Variants in ZFHX3 observed in about 807,000 individuals in gnomAD.
ZFHX3 encodes the protein zinc finger homeobox 3.
In ZFHX3, 42 loss-of-function variants were observed where a neutral mutation model predicts 279.1. The observed-to-expected ratio is 0.15, with a 90% CI of 0.12 to 0.19. ZFHX3 has a LOEUF of 0.19. Among genes scored for constraint, ZFHX3 ranks in the 10% least tolerant of loss-of-function variants. The pLI, the probability that ZFHX3 is intolerant of heterozygous loss-of-function variation, is 1.00. For missense variants in ZFHX3, 4,981 were observed against 4,754.0 expected, an observed-to-expected ratio of 1.05 and a Z score of -1.40; for synonymous variants, 2,293 against 1,957.8, an observed-to-expected ratio of 1.17 and a Z score of -4.52.
intron 2 of ZFHX3, among the ~76,000 whole-genome samples, chr16:73,650,769 T>G (rs529776880): frequency 6.6e-6 from 1 of 152,306 alleles, no homozygotes; most frequent in African/African-American, 2.4e-5. Context: ...GGTGCCTGGC[T>G]AAGCAGATTT....
chr16:73,847,978 C>G (rs1312127676), intron 1 of ZFHX3, among the ~76,000 whole-genome samples: 1 of 129,310 alleles, frequency 7.7e-6, no homozygotes, highest in Non-Finnish European at 1.5e-5. Flanking sequence ...CCAGACTGGT[C>G]TCAAACTCCT....
chr16:73,769,041 G>A (rs2053986758), intron 1 of ZFHX3, among the ~76,000 whole-genome samples: 3 of 152,190 alleles, frequency 2.0e-5, no homozygotes, highest in South Asian at 4.2e-4. Context: ...CTTAAAAAAT[G>A]ATTCATTGTT....
chr16:73,752,642 C>T (rs570525307), intron 1 of ZFHX3, among the ~76,000 whole-genome samples: 85 of 152,296 alleles, frequency 5.6e-4, no homozygotes, highest in African/African-American at 1.7e-3. Context: ...ACAAAACCGC[C>T]TGGCTGGCCA....
At chr16:72,803,104 G>A (rs1313893240) in intron 7 of ZFHX3, among the ~76,000 whole-genome samples, 1 of 152,176 alleles carries the variant, frequency 6.6e-6, no homozygotes, top group East Asian at 1.9e-4. Context: ...GGCTGAGGCG[G>A]GTGGATCATT....
At chr16:73,510,621 C>T (rs1414366119) in intron 2 of ZFHX3, among the ~76,000 whole-genome samples, 1 of 152,198 alleles carries the variant, frequency 6.6e-6, no homozygotes, top group African/African-American at 2.4e-5. Flanking sequence ...ATACACTGAA[C>T]AATTCCAAAG....
At position 73,838,787 on chromosome 16, in the gene ZFHX3, T is replaced by C. The variant is rs113374406; in HGVS notation, c.-1608+52864A>G. Among the ~76,000 whole-genome samples the C allele has an allele frequency of 9.1e-3, 1,359 of 149,110 alleles. 22 individuals are homozygous for C. Among genetic ancestry groups the C allele is most frequent in the African/African-American group, 0.032 (1,278 of 39,370 alleles). On this transcript the variant is annotated intron_variant, in intron 1 of 17. Transcript: ENST00000641206. ...CTGTGTGTGTGTGTGTGTGTGTGTG[T>C]GTGCGTGCGCGCACGCATGTATGGT...
chr16:73,224,548 T>G (rs2012531831), intron 5 of ZFHX3, among the ~76,000 whole-genome samples: 1 of 152,170 alleles, frequency 6.6e-6, no homozygotes, highest in African/African-American at 2.4e-5. Flanking sequence ...AAAGGCTGTT[T>G]CTGAGTAAGT....
At chr16:73,312,969 ATGGTT>A (rs1249777192) in intron 4 of ZFHX3, among the ~76,000 whole-genome samples, 2 of 152,218 alleles carry the variant, frequency 1.3e-5, no homozygotes, top group Admixed American at 6.5e-5. Context: ...GGTCAGTGAT[ATGGTT>A]TGGCTCTGTG....
At chr16:73,379,498 T>G (rs1567466141) in intron 3 of ZFHX3, among the ~76,000 whole-genome samples, 1 of 152,178 alleles carries the variant, frequency 6.6e-6, no homozygotes, top group African/African-American at 2.4e-5. Context: ...GCTACCTAAC[T>G]CTCTTCACCC....
intron 9 of ZFHX3, chr16:72,790,195 A>C (rs2035638300): frequency 6.6e-6 from 1 of 152,382 alleles, no homozygotes; most frequent in Non-Finnish European, 1.5e-5. Context: ...GAGACTAGCA[A>C]GATAGTAGGT....
At chr16:73,657,691 G>A (rs1182239568) in intron 2 of ZFHX3, among the ~76,000 whole-genome samples, 1 of 152,060 alleles carries the variant, frequency 6.6e-6, no homozygotes, top group Middle Eastern at 3.2e-3. Flanking sequence ...TAATGGAAGT[G>A]AAAGCATATG....
Position 72,964,800 on chromosome 16 carries a change from C to A in ZFHX3, c.-49-4606G>T, listed in dbSNP as rs201097062. Among the ~76,000 whole-genome samples the A allele has an allele frequency of 5.3e-5, 8 of 152,248 alleles. 1 individual carries two copies. The East Asian group carries it at 1.4e-3, about 26-fold the overall frequency. ...TCATACCCACACTAGGAGATAGATA[C>A]TATTTTTATCCCCATTTTAGAAATG... On this transcript the variant is annotated intron_variant, in intron 1 of 9. Coordinates refer to ENST00000268489, the MANE Select transcript of ZFHX3 (RefSeq NM_006885.4).
At position 72,796,345 on chromosome 16, in the gene ZFHX3, G is replaced by C; in HGVS notation, c.6337C>G (p.Gln2113Glu). 6.2e-7 allele frequency: 1 copy of C among 1,614,040 alleles called. No individual in the cohort carries two copies. Among genetic ancestry groups the C allele is most frequent in the Non-Finnish European group, 8.5e-7 (1 of 1,180,020 alleles). The change falls in exon 9 of 10, where the codon CAG becomes GAG. Residue 2113 changes from glutamine (Q) to glutamate (E), a missense_variant. Gln to Glu is a conservative substitution (Grantham distance 29, BLOSUM62 2). Around this residue, in one of 7 missense-constraint regions of ZFHX3, gnomAD observed 1,751 missense variants for 1,770.0 expected, o/e 0.99. Transcript: ENST00000268489. Reference sequence around the variant, plus strand: ...ACAGGTCCCAGCTGCGGGGGTAGCTGAGCCGGCAAGGTCTGCAGCGGCATC... The same window carrying C: ...ACAGGTCCCAGCTGCGGGGGTAGCTCAGCCGGCAAGGTCTGCAGCGGCATC... ...QTMPLQTLPAQLPPQLGPVEP... is the reference protein window; with the variant it reads ...QTMPLQTLPAELPPQLGPVEP...
chr16:73,686,156 C>T (rs189921819), intron 1 of ZFHX3, among the ~76,000 whole-genome samples: 107 of 152,168 alleles, frequency 7.0e-4, no homozygotes, highest in African/African-American at 2.4e-3. Context: ...AGTGCAGTGG[C>T]GTGATCTCGG....
At chr16:73,470,467 C>A (rs938667214) in intron 2 of ZFHX3, among the ~76,000 whole-genome samples, 1 of 152,170 alleles carries the variant, frequency 6.6e-6, no homozygotes, top group African/African-American at 2.4e-5. Flanking sequence ...TAGTGCTTAA[C>A]ACAGCTTTTA....
chr16:73,837,517 A>G (rs969656088), intron 1 of ZFHX3, among the ~76,000 whole-genome samples: 6 of 152,252 alleles, frequency 3.9e-5, no homozygotes, highest in Non-Finnish European at 8.8e-5. Flanking sequence ...AACTTTTCCC[A>G]AAGAGCTATG....
At chr16:73,689,754 C>A (rs8055965) in intron 1 of ZFHX3, among the ~76,000 whole-genome samples, 1 of 151,962 alleles carries the variant, frequency 6.6e-6, no homozygotes, top group Non-Finnish European at 1.5e-5. Flanking sequence ...ATGGAAAACA[C>A]GACTATCAGG....
intron 2 of ZFHX3, among the ~76,000 whole-genome samples, chr16:73,585,967 G>A (rs1055849831): frequency 1.3e-5 from 2 of 151,978 alleles, no homozygotes; most frequent in African/African-American, 2.4e-5. Context: ...AGGTAAGGAG[G>A]AAATAAAATG....
intron 8 of ZFHX3, among the ~76,000 whole-genome samples, chr16:73,083,013 A>G (rs8060882): frequency 0.11 from 14,110 of 126,870 alleles, 1,725 homozygotes; most frequent in African/African-American, 0.32. Context: ...GTGAAACTCC[A>G]TCTCTACTAA....
Sources: gnomAD v4.1 joint callset for allele counts (sites outside exome capture counted in the v4.1 genomes callset) on GRCh38, gnomAD v4.1.1 for gene constraint, gnomAD v4.1.1 regional missense constraint, MANE v1.5 for transcripts, NCBI Gene and HGNC (gene_info 2026-07-23, HGNC 2026-07-21) for gene names.